The following STARD5 variants were observed in gnomAD, a reference collection of about 807,000 sequenced individuals.
STARD5 encodes StAR related lipid transfer domain containing 5, also known as stAR-related lipid transfer protein 5.
A neutral mutation model predicts 24.6 loss-of-function variants in STARD5; 26 were observed. That is an observed-to-expected ratio of 1.06 (90% CI 0.77 to 1.47). The LOEUF is 1.47. STARD5 is among the 40% of genes most tolerant of loss of function. STARD5 has a pLI of 0.00. For synonymous variants in STARD5, 101 were observed against 99.7 expected, an observed-to-expected ratio of 1.01 and a Z score of -0.07; for missense variants, 254 against 270.8, an observed-to-expected ratio of 0.94 and a Z score of 0.44.
chr15:81,322,714 G>A, intron 2 of STARD5, 174 bp from the exon 3 acceptor site: 1 of 1,283,928 alleles, frequency 7.8e-7, no homozygotes, highest in Non-Finnish European at 1.1e-6. Flanking sequence ...CTGCAGAAAT[G>A]GACAGTAAGC....
intron 5 of STARD5, among the ~76,000 whole-genome samples, chr15:81,317,641 G>A (rs902993054): frequency 6.6e-6 from 1 of 152,174 alleles, no homozygotes; most frequent in Non-Finnish European, 1.5e-5. Context: ...ACGACACCGA[G>A]GCCCACCTCC....
chr15:81,316,019 C>T (rs1901075502), intron 5 of STARD5, among the ~76,000 whole-genome samples: 1 of 152,156 alleles, frequency 6.6e-6, no homozygotes, highest in African/African-American at 2.4e-5. Context: ...GCCGAATGTC[C>T]TAGCCTCTCC....
At chr15:81,321,473 G>A (rs1901193383) in intron 3 of STARD5, among the ~76,000 whole-genome samples, 1 of 151,982 alleles carries the variant, frequency 6.6e-6, no homozygotes, top group African/African-American at 2.4e-5. Context: ...AGCTGGGCAT[G>A]GTGGCGTGCC....
Position 81,311,872 on chromosome 15 carries a change from GAA to G in STARD5, c.*1382_*1383del, listed in dbSNP as rs1368726782. 1 of 152,218 alleles carries G rather than the reference GAA, an allele frequency of 6.6e-6. No homozygotes were observed. The highest frequency in any genetic ancestry group is 1.5e-5 in the Non-Finnish European group (1 of 68,044). 9.4% of individuals were successfully genotyped at this position (152,218 alleles called of 1,614,324 possible). On this transcript the variant is annotated 3_prime_UTR_variant, in exon 6 of 6. Transcript: ENST00000302824. The stretch of plus-strand genomic sequence containing the variant: ...GAATTTGTAGTTGCAATAGAACAGA[GAA>G]AGAGGAAGCTTTCTGTCTCCTTAAC...
rs1377724962 is a variant in STARD5 at position 81,322,400 on chromosome 15, A to G, written c.282+8T>C. 6 of 1,614,128 alleles carry G rather than the reference A, an allele frequency of 3.7e-6. No individual in the cohort carries two copies. The highest frequency in any genetic ancestry group is 5.1e-6 in the Non-Finnish European group (6 of 1,180,056). On this transcript the variant is annotated splice_region_variant and intron_variant, in intron 3 of 5. Coordinates refer to ENST00000302824, the MANE Select transcript of STARD5 (RefSeq NM_181900.3). ...CTATCTAGAGATAACATGCTTGGAAAGACTTACGTCAGTGATGCTTTGGAT... is the reference window on the plus strand; with the variant it reads ...CTATCTAGAGATAACATGCTTGGAAGGACTTACGTCAGTGATGCTTTGGAT...
At chr15:81,320,723 A>C (rs1338726710) in intron 3 of STARD5, among the ~76,000 whole-genome samples, 1 of 152,214 alleles carries the variant, frequency 6.6e-6, no homozygotes, top group Non-Finnish European at 1.5e-5. Flanking sequence ...TTGTAACAGT[A>C]ATGGCAGAAG....
chr15:81,316,957 G>A (rs1901095678), intron 5 of STARD5, among the ~76,000 whole-genome samples: 1 of 152,140 alleles, frequency 6.6e-6, no homozygotes, highest in African/African-American at 2.4e-5. Context: ...ACAGCACTTT[G>A]GGAGGCCAAG....
rs1206361118 is a variant in STARD5 at position 81,312,671 on chromosome 15, T to C, written c.*585A>G. 6.6e-6 allele frequency: 1 copy of C among 152,270 alleles called. No individual in the cohort carries two copies. Among genetic ancestry groups the C allele is most frequent in the Non-Finnish European group, 1.5e-5 (1 of 68,054 alleles). 9.4% of individuals were successfully genotyped at this position (152,270 alleles called of 1,614,324 possible). On this transcript the variant is annotated 3_prime_UTR_variant, in exon 6 of 6. Coordinates refer to ENST00000302824, the MANE Select transcript of STARD5 (RefSeq NM_181900.3). The stretch of plus-strand genomic sequence containing the variant: ...AATGGAAGACACATTGAAAGTGTTT[T>C]TCCTTAATGCTTATCCTGTTTTTAA...
chr15:81,311,699 GAA>G lies in STARD5; in HGVS notation c.*1555_*1556del, dbSNP rs1900862638. 6.6e-6 allele frequency: 1 copy of G among 152,212 alleles called. No individual in the cohort carries two copies. The highest frequency in any genetic ancestry group is 6.5e-5 in the Admixed American group (1 of 15,282). 9.4% of individuals were successfully genotyped at this position (152,212 alleles called of 1,614,324 possible). A position where few individuals can be genotyped will look rare whatever the true frequency, so the allele number is the denominator to read the frequency against. ...TTGGCTGGTGCACCTAGAATTGGCT[GAA>G]CTCATGAGAAGTTGATATAGAACAG... On this transcript the variant is annotated 3_prime_UTR_variant, in exon 6 of 6. Transcript: ENST00000302824.
intron 3 of STARD5, among the ~76,000 whole-genome samples, chr15:81,320,374 A>G (rs1255421694): frequency 1.3e-5 from 2 of 151,602 alleles, no homozygotes; most frequent in African/African-American, 4.8e-5. Flanking sequence ...GCACTTTGCA[A>G]TGGGTGCAAT....
rs1439721410 is a variant in STARD5 at position 81,309,445 on chromosome 15, G to A, written c.*3811C>T. On this transcript the variant is annotated 3_prime_UTR_variant, in exon 6 of 6. Transcript: ENST00000302824. ...ATCCCAGGATCGCAAGAGCCATGTA[G>A]AAGCTGCATCTTGTTTATACCTTTG... 6.5e-6 allele frequency: 1 copy of A among 152,714 alleles called. No individual in the cohort carries two copies. Among genetic ancestry groups the A allele is most frequent in the African/African-American group, 2.4e-5 (1 of 41,458 alleles). 9.5% of individuals were successfully genotyped at this position (152,714 alleles called of 1,614,324 possible).
intron 5 of STARD5, among the ~76,000 whole-genome samples, chr15:81,314,908 A>AAAAAAC (rs1555426043): frequency 3.8e-4 from 55 of 146,216 alleles, no homozygotes; most frequent in African/African-American, 4.6e-4. Context: ...AAAAAAAAAA[A>AAAAAAC]AAAAAAAGAA....
In STARD5 at chr15:81,310,996, G is replaced by A. The variant is rs1331536246; in HGVS notation, c.*2260C>T. Reference sequence around the variant, plus strand: ...AGACACAACAACTCCTAGGGCCACTGAAGATATAACTATTGCCCAGGTTTC... The same window carrying A: ...AGACACAACAACTCCTAGGGCCACTAAAGATATAACTATTGCCCAGGTTTC... On this transcript the variant is annotated 3_prime_UTR_variant, in exon 6 of 6. Transcript: ENST00000302824. The A allele has an allele frequency of 1.3e-5, 2 of 152,254 alleles. No individual in the cohort carries two copies. The highest frequency in any genetic ancestry group is 4.8e-5 in the African/African-American group (2 of 41,440). The allele number at this position is 152,254 out of a possible 1,614,324, so 9.4% of individuals were successfully genotyped here.
rs768685843 is a variant in STARD5 at position 81,318,498 on chromosome 15, G to A, written c.405C>T (p.Thr135=). The change falls in exon 5 of 6, where the codon ACC becomes ACT. Residue 135 remains threonine (T), a synonymous_variant. Coordinates refer to ENST00000302824, the MANE Select transcript of STARD5 (RefSeq NM_181900.3). ...GGGGACATAACGGATGCTCCACATG[G>A]GTGGCTGGAAGACAGTGCAGAATCT... ...YEDGTISSNA[T]HVEHPLCPPK... 6.2e-7 allele frequency: 1 copy of A among 1,613,736 alleles called. No individual in the cohort carries two copies. The highest frequency in any genetic ancestry group is 1.3e-5 in the African/African-American group (1 of 74,886).
At chr15:81,323,377 AAG>A (rs1445667346) in intron 1 of STARD5, 2 of 296,324 alleles carry the variant, frequency 6.7e-6, no homozygotes, top group Non-Finnish European at 1.3e-5. Flanking sequence ...GGCAACGACA[AAG>A]AGAGGGGTTC....
intron 5 of STARD5, among the ~76,000 whole-genome samples, chr15:81,316,546 A>G (rs1372961782): frequency 6.6e-6 from 1 of 152,228 alleles, no homozygotes; most frequent in Non-Finnish European, 1.5e-5. Flanking sequence ...TGAGGATCAC[A>G]ACAGTGCCTT....
chr15:81,314,613 G>A (rs1015411123), intron 5 of STARD5, among the ~76,000 whole-genome samples: 31 of 152,194 alleles, frequency 2.0e-4, no homozygotes, highest in African/African-American at 6.7e-4. Flanking sequence ...GGCCAAGCAC[G>A]GTGGCTCATG....
At chr15:81,321,550 C>T (rs1014017958) in intron 3 of STARD5, among the ~76,000 whole-genome samples, 3 of 149,496 alleles carry the variant, frequency 2.0e-5, no homozygotes, top group Non-Finnish European at 2.9e-5. Flanking sequence ...GCAGAGGCTG[C>T]AGTGAGCCAA....
At position 81,324,137 on chromosome 15, in the gene STARD5, G is replaced by GT; in HGVS notation, c.-39dup. On this transcript the variant is annotated 5_prime_UTR_variant, in exon 1 of 6. Transcript: ENST00000302824. ...TGCGCTTAGCTGCGGGGTCGCGGGT[G>GT]TTATGAGCGGCGGCGCTGGATCCCG... is the stretch of plus-strand genomic sequence containing the variant. 7.7e-7 allele frequency: 1 copy of GT among 1,295,292 alleles called. No individual in the cohort carries two copies. Among genetic ancestry groups the GT allele is most frequent in the Non-Finnish European group, 9.9e-7 (1 of 1,013,356 alleles). The allele number at this position is 1,295,292 out of a possible 1,614,324, so 80.2% of individuals were successfully genotyped here.
Sources: gnomAD v4.1 joint callset for allele counts (sites outside exome capture counted in the v4.1 genomes callset) on GRCh38, gnomAD v4.1.1 for gene constraint, MANE v1.5 for transcripts, NCBI Gene and HGNC (gene_info 2026-07-23, HGNC 2026-07-21) for gene names.